CAST: variants seen among roughly 807,000 people sequenced by gnomAD.
CAST encodes the protein calpastatin.
A neutral mutation model predicts 119.6 loss-of-function variants in CAST; 76 were observed. That is an observed-to-expected ratio of 0.64 (90% CI 0.53 to 0.77). The LOEUF is 0.77. CAST is among the 30% of genes least tolerant of loss of function. The pLI is 0.00. For synonymous variants in CAST, 319 were observed against 331.6 expected, an observed-to-expected ratio of 0.96 and a Z score of 0.41; for missense variants, 953 against 946.5, an observed-to-expected ratio of 1.01 and a Z score of -0.09.
the CAST span, among the ~76,000 whole-genome samples, chr5:96,451,580 T>A: frequency 1.3e-5 from 2 of 152,198 alleles, no homozygotes; most frequent in Non-Finnish European, 2.9e-5. Flanking sequence ...GACATAGGCA[T>A]GGGCAAAGAC....
the CAST span, among the ~76,000 whole-genome samples, chr5:96,436,953 A>G: frequency 2.0e-5 from 3 of 152,242 alleles, no homozygotes; most frequent in Non-Finnish European, 2.9e-5. Flanking sequence ...CACTTTTCAC[A>G]TGATGGAAAT....
chr5:96,548,635 C>T (rs948944364), intron 1 of CAST, among the ~76,000 whole-genome samples: 2 of 152,014 alleles, frequency 1.3e-5, no homozygotes, highest in African/African-American at 4.8e-5. Context: ...AAATCAAAAC[C>T]CCCAATGACA....
chr5:96,628,595 T>C (rs958351254), intron 1 of CAST, among the ~76,000 whole-genome samples: 1 of 152,200 alleles, frequency 6.6e-6, no homozygotes, highest in Non-Finnish European at 1.5e-5. Context: ...GCCCCAAGCT[T>C]GTCTCTGCCA....
chr5:96,416,779 T>A, the CAST span, among the ~76,000 whole-genome samples: 2 of 152,358 alleles, frequency 1.3e-5, no homozygotes, highest in African/African-American at 4.8e-5. Context: ...GCCAGAAGCC[T>A]GAACATGATT....
At chr5:96,657,314 A>G (rs1748178238), upstream of CAST, among the ~76,000 whole-genome samples, 1 of 152,102 alleles carries the variant, frequency 6.6e-6, no homozygotes, top group African/African-American at 2.4e-5. Context: ...TGCTATAGTG[A>G]AGAAATGTGG....
the CAST span, among the ~76,000 whole-genome samples, chr5:96,094,143 C>G: frequency 6.6e-6 from 1 of 152,156 alleles, no homozygotes; most frequent in African/African-American, 2.4e-5. Flanking sequence ...GAAAAAGATC[C>G]CTGGAGCCCA....
intron 1 of CAST, among the ~76,000 whole-genome samples, chr5:96,535,029 A>T (rs1745781100): frequency 6.6e-6 from 1 of 152,204 alleles, no homozygotes; most frequent in Non-Finnish European, 1.5e-5. Flanking sequence ...ACAATAATGT[A>T]AACATTTCAT....
the CAST span, among the ~76,000 whole-genome samples, chr5:96,450,772 A>T: frequency 1.3e-5 from 2 of 152,182 alleles, no homozygotes; most frequent in African/African-American, 4.8e-5. Context: ...TTGAAAAATT[A>T]AAAAATGCAC....
At chr5:96,671,368 G>A (rs945588749) in intron 1 of CAST, among the ~76,000 whole-genome samples, 5 of 152,158 alleles carry the variant, frequency 3.3e-5, no homozygotes, top group Non-Finnish European at 7.3e-5. Context: ...AAGTTTTCAT[G>A]TTTTGTTATT....
At chr5:96,454,555 C>T in the CAST span, among the ~76,000 whole-genome samples, 6 of 152,172 alleles carry the variant, frequency 3.9e-5, no homozygotes, top group East Asian at 1.9e-4. Context: ...GTGCAGTCTT[C>T]GCCATACACA....
chr5:96,050,929 G>T, the CAST span, among the ~76,000 whole-genome samples: 22 of 152,156 alleles, frequency 1.4e-4, no homozygotes, highest in African/African-American at 5.1e-4. Flanking sequence ...AAAAATAAAT[G>T]ATTTATATAA....
At chr5:96,356,100 T>C in the CAST span, among the ~76,000 whole-genome samples, 1 of 152,364 alleles carries the variant, frequency 6.6e-6, no homozygotes, top group African/African-American at 2.4e-5. Context: ...ATTATTAGCT[T>C]TTTTAAATAT....
chr5:96,733,802 G>T (rs771651510), intron 9 of CAST, among the ~76,000 whole-genome samples: 4 of 152,130 alleles, frequency 2.6e-5, no homozygotes, highest in Non-Finnish European at 4.4e-5. Context: ...GCTTGAACCC[G>T]GGAGGCAGAG....
At chr5:96,028,727 A>G in the CAST span, among the ~76,000 whole-genome samples, 1 of 152,216 alleles carries the variant, frequency 6.6e-6, no homozygotes, top group East Asian at 1.9e-4. Context: ...AATAAGTAAC[A>G]TTTATTTATG....
chr5:96,571,162 A>G (rs1317932059), intron 1 of CAST, among the ~76,000 whole-genome samples: 1 of 152,160 alleles, frequency 6.6e-6, no homozygotes, highest in Non-Finnish European at 1.5e-5. Context: ...GCTCAAAGCC[A>G]TCTCTAATGT....
intron 1 of CAST, chr5:96,663,142 A>G (rs1357220011): frequency 5.7e-6 from 4 of 702,610 alleles, no homozygotes; most frequent in Non-Finnish European, 1.0e-5. Flanking sequence ...TTGCCATGGC[A>G]TTCGCCAGCT....
At chr5:96,771,918 C>T in intron 31 of CAST, 1 of 383,270 alleles carries the variant, frequency 2.6e-6, no homozygotes, top group East Asian at 4.0e-5. Context: ...AAACCTTAAT[C>T]TTATAATTAA....
intron 1 of CAST, among the ~76,000 whole-genome samples, chr5:96,669,147 C>T (rs565901058): frequency 6.6e-6 from 1 of 152,366 alleles, no homozygotes; most frequent in East Asian, 1.9e-4. Flanking sequence ...CACCTGAAGG[C>T]AGACAGTTCT....
At chr5:96,030,468 G>A in the CAST span, among the ~76,000 whole-genome samples, 1 of 152,194 alleles carries the variant, frequency 6.6e-6, no homozygotes. Context: ...GTAGCCTGGA[G>A]GCCTATGCTT....
Sources: allele counts gnomAD v4.1 joint callset (sites outside exome capture counted in the v4.1 genomes callset), GRCh38; gene constraint gnomAD v4.1.1; transcripts MANE v1.5; gene names NCBI Gene and HGNC (gene_info 2026-07-23, HGNC 2026-07-21).